Variants in CCDC30 observed in about 807,000 individuals in gnomAD.
The protein encoded by CCDC30 is coiled-coil domain-containing protein 30.
A neutral mutation model predicts 100.2 loss-of-function variants in CCDC30; 70 were observed. The ratio of observed to expected loss-of-function variants is 0.70; its 90% CI spans 0.58 to 0.85. The LOEUF is 0.85. CCDC30 is among the 40% of genes least tolerant of loss of function. CCDC30 has a pLI of 0.00. For synonymous variants in CCDC30, 233 were observed against 269.5 expected (o/e 0.86, Z 1.33); for missense variants, 652 against 771.2 (o/e 0.85, Z 1.83).
At chr1:42,631,689 G>A (rs942914916) in intron 11 of CCDC30, among the ~76,000 whole-genome samples, 4 of 152,086 alleles carry the variant, frequency 2.6e-5, no homozygotes, top group African/African-American at 7.2e-5. Context: ...ACTCAAACCC[G>A]AAAATGCAGT....
At chr1:42,647,865 T>C (rs1648011630) in intron 15 of CCDC30, among the ~76,000 whole-genome samples, 2 of 152,166 alleles carry the variant, frequency 1.3e-5, no homozygotes, top group Admixed American at 1.3e-4. Context: ...TTTTAAAATA[T>C]CTTGAAACAA....
intron 11 of CCDC30, among the ~76,000 whole-genome samples, chr1:42,620,060 A>G (rs1646801345): frequency 6.6e-6 from 1 of 152,228 alleles, no homozygotes; most frequent in South Asian, 2.1e-4. Flanking sequence ...AGGAGAAATC[A>G]GGAATATCTG....
intron 10 of CCDC30, among the ~76,000 whole-genome samples, chr1:42,605,992 C>T (rs1355817285): frequency 6.6e-6 from 1 of 152,126 alleles, no homozygotes; most frequent in Non-Finnish European, 1.5e-5. Context: ...AGATGAGCCA[C>T]ATAGCTTAGA....
chr1:42,500,417 CTCT>C (rs1207462799), intron 6 of CCDC30: 2 of 912,038 alleles, frequency 2.2e-6, no homozygotes, highest in African/African-American at 1.7e-5. Context: ...ACCGAGTTCT[CTCT>C]TTTTTTTTTT....
At chr1:42,641,215 TTGTGTGTGTGTGTGTG>T (rs71065188) in intron 12 of CCDC30, among the ~76,000 whole-genome samples, 2,344 of 132,436 alleles carry the variant, frequency 0.018, 57 homozygotes, top group African/African-American at 0.061. Flanking sequence ...CACATGGCTT[TTGTGTGTGTGTGTGTG>T]TGTGTGTGTG....
intron 1 of CCDC30, among the ~76,000 whole-genome samples, 168 bp from the exon 2 acceptor site, chr1:42,480,293 T>A (rs567007413): frequency 8.8e-4 from 134 of 152,312 alleles, no homozygotes; most frequent in Middle Eastern, 6.8e-3. Context: ...TAATAATAAA[T>A]GCTATCTTTT....
intron 6 of CCDC30, chr1:42,536,507 T>C (rs764801927): frequency 6.2e-7 from 1 of 1,607,804 alleles, no homozygotes; most frequent in Non-Finnish European, 8.5e-7. Context: ...AAAAATGAAA[T>C]GTTTGAAAGT....
chr1:42,601,753 C>A (rs369651206), intron 10 of CCDC30, among the ~76,000 whole-genome samples: 12 of 152,276 alleles, frequency 7.9e-5, no homozygotes, highest in African/African-American at 2.9e-4. Context: ...AATAACTAAT[C>A]CTTCAATGTG....
intron 6 of CCDC30, among the ~76,000 whole-genome samples, chr1:42,557,364 A>G (rs1645390652): frequency 6.6e-6 from 1 of 152,186 alleles, no homozygotes; most frequent in African/African-American, 2.4e-5. Context: ...CCAAAGGGGA[A>G]CATGACATCA....
chr1:42,636,584 G>T (rs150612341), intron 11 of CCDC30, among the ~76,000 whole-genome samples: 2 of 151,692 alleles, frequency 1.3e-5, no homozygotes, highest in African/African-American at 2.4e-5. Flanking sequence ...TAGATGTCAG[G>T]GATAAAAAAT....
At chr1:42,567,310 T>G (rs1645626849) in intron 7 of CCDC30, among the ~76,000 whole-genome samples, 1 of 152,214 alleles carries the variant, frequency 6.6e-6, no homozygotes, top group Non-Finnish European at 1.5e-5. Context: ...AGCAACAGAT[T>G]TGATAGTTGT....
intron 8 of CCDC30, 113 bp from the exon 13 acceptor site, chr1:42,581,247 G>A (rs1645959315): frequency 2.6e-6 from 2 of 774,840 alleles, no homozygotes; most frequent in African/African-American, 3.5e-5. Context: ...TTTACTTCAG[G>A]TCAGATTAAT....
intron 15 of CCDC30, among the ~76,000 whole-genome samples, chr1:42,652,122 A>G (rs945103971): frequency 6.6e-6 from 1 of 152,210 alleles, no homozygotes; most frequent in Non-Finnish European, 1.5e-5. Context: ...ATATGATACA[A>G]TACTATTTAA....
At chr1:42,485,948 AC>A in intron 3 of CCDC30, among the ~76,000 whole-genome samples, 1 of 152,220 alleles carries the variant, frequency 6.6e-6, no homozygotes, top group Non-Finnish European at 1.5e-5. Context: ...TCTACTTCAT[AC>A]CCACTAGAAT....
chr1:42,583,378 T>C (rs188986622), intron 9 of CCDC30, among the ~76,000 whole-genome samples: 55 of 152,284 alleles, frequency 3.6e-4, no homozygotes, highest in Non-Finnish European at 1.0e-4. Flanking sequence ...AAACTAAGTG[T>C]AGGAAAATAA....
chr1:42,483,049 C>T (rs971905485), intron 3 of CCDC30: 2 of 321,030 alleles, frequency 6.2e-6, no homozygotes, highest in African/African-American at 4.3e-5. Flanking sequence ...CAAGAAATTC[C>T]CAGCCTCTCA....
chr1:42,600,246 A>G (rs1646377071), intron 10 of CCDC30, among the ~76,000 whole-genome samples: 1 of 152,200 alleles, frequency 6.6e-6, no homozygotes. Flanking sequence ...CAAGAAGAAA[A>G]AACAATCTTT....
intron 6 of CCDC30, among the ~76,000 whole-genome samples, chr1:42,559,884 A>G (rs910182956): frequency 2.6e-5 from 4 of 152,162 alleles, no homozygotes; most frequent in Non-Finnish European, 5.9e-5. Flanking sequence ...CGACCACATA[A>G]TTGGAAGTAA....
intron 6 of CCDC30, among the ~76,000 whole-genome samples, chr1:42,524,868 GGA>G (rs1644701190): frequency 6.6e-6 from 1 of 152,142 alleles, no homozygotes; most frequent in Non-Finnish European, 1.5e-5. Context: ...TTGTTTAGGT[GGA>G]GAGACAGATT....
Sources: allele counts gnomAD v4.1 joint callset (sites outside exome capture counted in the v4.1 genomes callset), GRCh38; gene constraint gnomAD v4.1.1; transcripts MANE v1.5; gene names NCBI Gene and HGNC (gene_info 2026-07-23, HGNC 2026-07-21).